The following HPS4 variants were observed in gnomAD, a reference collection of about 807,000 sequenced individuals.
HPS4 encodes the protein BLOC-3 complex member HPS4.
A neutral mutation model predicts 70.3 loss-of-function variants in HPS4; 44 were observed. The observed-to-expected ratio is 0.63, with a 90% CI of 0.49 to 0.80. HPS4 has a LOEUF of 0.80. Ranked by LOEUF, HPS4 falls within the 30% of genes least tolerant of loss-of-function variation. The probability of loss-of-function intolerance (pLI) is 0.00; values close to 1 mark genes in which losing one functional copy is unlikely to be tolerated. For synonymous variants in HPS4, 377 were observed against 355.9 expected (o/e 1.06, Z -0.67); for missense variants, 873 against 884.4 (o/e 0.99, Z 0.16).
chr22:26,452,034 ACACACACACT>A lies in HPS4; in HGVS notation c.*1189_*1198del, dbSNP rs1272054062. ...CACACACACACACACACACACACAC[ACACACACACT>A]GTCTTAACCCTTACCTTTGTCACAA... On this transcript the variant is annotated 3_prime_UTR_variant, in exon 14 of 14. Transcript: ENST00000398145. 3.5e-4 allele frequency: 110 copies of A among 311,444 alleles called. 2 individuals carry two copies. In the Middle Eastern group the frequency reaches 3.5e-3, roughly 10 times the overall value. 19.3% of individuals were successfully genotyped at this position (311,444 alleles called of 1,614,324 possible). A position where few individuals can be genotyped will look rare whatever the true frequency, so the allele number is the denominator to read the frequency against.
intron 3 of HPS4, among the ~76,000 whole-genome samples, chr22:26,445,410 G>A (rs920681378): frequency 1.3e-5 from 2 of 152,202 alleles, no homozygotes; most frequent in African/African-American, 2.4e-5. Context: ...ACAGAGACAG[G>A]CGGGTCACTA....
rs750710932 is a variant in HPS4 at position 26,478,682 on chromosome 22, CTTAT to C, written c.132+579_132+582del. 5.1e-4 allele frequency among the ~76,000 whole-genome samples: 78 copies of C among 151,470 alleles called. 1 individual carries two copies. The highest frequency in any genetic ancestry group is 8.3e-4 in the South Asian group (4 of 4,806). On this transcript the variant is annotated intron_variant, in intron 3 of 13. Transcript: ENST00000398145. ...GTTTTTGTATATGTTTGAATACAAA[CTTAT>C]TTATTTATTTTTTTTGAGATGGAGT... is the stretch of plus-strand genomic sequence containing the variant.
chr22:26,483,397 G>A (rs1203295594), intron 1 of HPS4, among the ~76,000 whole-genome samples: 1 of 152,248 alleles, frequency 6.6e-6, no homozygotes, highest in Admixed American at 6.5e-5. Context: ...ACGCGGGGCT[G>A]GGGCTGGTGA....
chr22:26,453,132 G>C lies in HPS4; in HGVS notation c.*101C>G. 8.2e-7 allele frequency: 1 copy of C among 1,221,648 alleles called. No individual in the cohort carries two copies. Among genetic ancestry groups the C allele is most frequent in the Non-Finnish European group, 1.2e-6 (1 of 849,924 alleles). 75.7% of individuals were successfully genotyped at this position (1,221,648 alleles called of 1,614,324 possible). A position where few individuals can be genotyped will look rare whatever the true frequency, so the allele number is the denominator to read the frequency against. On this transcript the variant is annotated 3_prime_UTR_variant, in exon 14 of 14. Transcript: ENST00000398145. ...AATATCATTTGGTTCCTAAAAAAGG[G>C]AATGTTTTCAAGAAAAATAAAATAG... is the stretch of plus-strand genomic sequence containing the variant.
intron 7 of HPS4, among the ~76,000 whole-genome samples, chr22:26,469,196 C>A (rs371317177): frequency 2.1e-5 from 3 of 145,202 alleles, no homozygotes; most frequent in African/African-American, 7.7e-5. Context: ...CCTGCAATCA[C>A]AGCACTTTGG....
chr22:26,465,320 C>A lies in HPS4; in HGVS notation c.803+135G>T, dbSNP rs191248091. Reference sequence around the variant, plus strand: ...TCTTAACAAACTCAAGATTCAGATGCTCCTTTACAAGACAGGGCATGGGGA... The same window carrying A: ...TCTTAACAAACTCAAGATTCAGATGATCCTTTACAAGACAGGGCATGGGGA... On this transcript the variant is annotated intron_variant, in intron 10 of 13. Transcript: ENST00000398145. 1.3e-4 allele frequency: 96 copies of A among 717,350 alleles called. 1 individual carries two copies. In the East Asian group the frequency reaches 2.5e-3, roughly 19 times the overall value. The allele number at this position is 717,350 out of a possible 1,614,324, so 44.4% of individuals were successfully genotyped here. A position where few individuals can be genotyped will look rare whatever the true frequency, so the allele number is the denominator to read the frequency against.
intron 11 of HPS4, among the ~76,000 whole-genome samples, chr22:26,463,461 C>T (rs1601888616): frequency 6.6e-6 from 1 of 152,300 alleles, no homozygotes; most frequent in East Asian, 1.9e-4. Flanking sequence ...CATGCACGTA[C>T]GTGTGCAGTC....
intron 6 of HPS4, among the ~76,000 whole-genome samples, chr22:26,471,558 T>C (rs549565084): frequency 6.6e-6 from 1 of 152,332 alleles, no homozygotes; most frequent in East Asian, 1.9e-4. Context: ...TTATTCTTCA[T>C]AGCCTCAAGA....
rs201806802 is a variant in HPS4, at chr22:26,466,252, G to A, written c.680C>T (p.Thr227Met). 111 of 1,614,124 alleles carry A rather than the reference G, an allele frequency of 6.9e-5. No homozygotes were observed. The East Asian group carries it at 7.6e-4, about 11-fold the overall frequency. Residue 227 changes from threonine (T) to methionine (M), a missense_variant, in exon 9 of 14, where the codon ACG becomes ATG. Physicochemically the swap from Thr to Met is moderately conservative, Grantham distance 81. Transcript: ENST00000398145. ...ATGTTCCTGCGGGGCATCCTCTCCC[G>A]TAGGGAGTCTCTGAAAACAAACACA... Reference protein sequence around the residue: ...RTAPQEQRLPTGEDAPQEHGA... With the variant: ...RTAPQEQRLPMGEDAPQEHGA...
chr22:26,476,933 A>G, intron 4 of HPS4, 60 bp downstream of exon 4: 1 of 1,579,798 alleles, frequency 6.3e-7, no homozygotes, highest in Non-Finnish European at 8.7e-7. Context: ...CTCAGAAACA[A>G]CATAACTTCC....
chr22:26,449,328 T>G (rs994679129), downstream of HPS4, among the ~76,000 whole-genome samples: 1 of 137,466 alleles, frequency 7.3e-6, no homozygotes, highest in African/African-American at 2.8e-5. Context: ...CCTGCATTTT[T>G]TTTTTTTTTT....
chr22:26,443,776 CCAGA>C (rs973231678), downstream of HPS4: 1 of 152,386 alleles, frequency 6.6e-6, no homozygotes, highest in African/African-American at 2.4e-5. Flanking sequence ...GGAGGGGCTG[CCAGA>C]CACAGTCAGG....
intron 8 of HPS4, 184 bp downstream of exon 8, chr22:26,468,367 A>G: frequency 1.6e-6 from 1 of 640,612 alleles, no homozygotes; most frequent in Non-Finnish European, 2.9e-6. Flanking sequence ...GGAAGAAAAC[A>G]TTTTCTTTCA....
At chr22:26,463,367 A>T (rs1741918403) in intron 11 of HPS4, among the ~76,000 whole-genome samples, 1 of 152,204 alleles carries the variant, frequency 6.6e-6, no homozygotes. Context: ...AGGCTGTGAC[A>T]CACTGCGGAG....
intron 11 of HPS4, among the ~76,000 whole-genome samples, 181 bp from the exon 12 acceptor site, chr22:26,458,758 C>T (rs2086677477): frequency 6.6e-6 from 1 of 151,100 alleles, no homozygotes; most frequent in South Asian, 2.1e-4. Context: ...GAGTTTAAGG[C>T]TGCAGTGAGC....
chr22:26,458,003 C>G, intron 12 of HPS4, 36 bp from the exon 13 acceptor site: 3 of 1,513,308 alleles, frequency 2.0e-6, no homozygotes, highest in Non-Finnish European at 2.7e-6. Context: ...GAAGAGCAGA[C>G]AGTTACCTTC....
chr22:26,472,710 T>C, intron 5 of HPS4, 122 bp downstream of exon 5: 1 of 861,812 alleles, frequency 1.2e-6, no homozygotes, highest in South Asian at 1.3e-5. Context: ...GCTCCTGACC[T>C]TGTCCCCAGA....
chr22:26,483,858 G>A, upstream of HPS4: 3 of 1,327,184 alleles, frequency 2.3e-6, no homozygotes, highest in South Asian at 4.1e-5. Flanking sequence ...ATGACGTGCC[G>A]AGTGCGCCGC....
At chr22:26,470,447 A>G (rs2089601843) in intron 7 of HPS4, among the ~76,000 whole-genome samples, 1 of 152,234 alleles carries the variant, frequency 6.6e-6, no homozygotes, top group African/African-American at 2.4e-5. Context: ...TTGCAGACTG[A>G]CAACTATTCC....
Sources: gnomAD v4.1 joint callset for allele counts (sites outside exome capture counted in the v4.1 genomes callset) on GRCh38, gnomAD v4.1.1 for gene constraint, MANE v1.5 for transcripts, NCBI Gene and HGNC (gene_info 2026-07-23, HGNC 2026-07-21) for gene names.